Variants in KLF12 observed in about 807,000 individuals in gnomAD.
The protein encoded by KLF12 is Krueppel-like factor 12.
In KLF12, 9 loss-of-function variants were observed where a neutral mutation model predicts 37.8. That is an observed-to-expected ratio of 0.24 (90% CI 0.14 to 0.42). The LOEUF is 0.42. Ranked by LOEUF, KLF12 falls within the 10% of genes least tolerant of loss-of-function variation. The pLI is 1.00. For missense variants in KLF12, 411 were observed against 516.0 expected, an observed-to-expected ratio of 0.80 and a Z score of 1.97; for synonymous variants, 208 against 202.1, an observed-to-expected ratio of 1.03 and a Z score of -0.25.
At position 74,059,386 on chromosome 13, in the gene KLF12, T is replaced by C. The variant is rs143474769; in HGVS notation, c.-31-64333A>G. Among the ~76,000 whole-genome samples, 377 of 152,354 alleles carry C rather than the reference T, an allele frequency of 2.5e-3. 1 individual carries two copies. Among genetic ancestry groups the C allele is most frequent in the Non-Finnish European group, 4.1e-3 (277 of 68,016 alleles). On this transcript the variant is annotated intron_variant, in intron 1 of 7. Coordinates refer to ENST00000377669, the MANE Select transcript of KLF12 (RefSeq NM_007249.5). ...CTGCTTTCCACAGGGGTTGAACTAG[T>C]TGTTCCCACGAGCAGTATACATGCA...
At chr13:73,774,287 CA>C (rs1566358742) in intron 5 of KLF12, among the ~76,000 whole-genome samples, 69 of 149,410 alleles carry the variant, frequency 4.6e-4, no homozygotes, top group African/African-American at 1.6e-3. Flanking sequence ...TATATATACA[CA>C]CACACACACA....
chr13:74,265,509 A>G, the KLF12 span, among the ~76,000 whole-genome samples: 2 of 152,232 alleles, frequency 1.3e-5, no homozygotes, highest in African/African-American at 2.4e-5. Flanking sequence ...GTGTAAATAT[A>G]TTCTGAAGAA....
chr13:73,694,036 C>A lies in KLF12; in HGVS notation c.*1454G>T, dbSNP rs41286096. On this transcript the variant is annotated 3_prime_UTR_variant, in exon 8 of 8. Coordinates refer to ENST00000377669, the MANE Select transcript of KLF12 (RefSeq NM_007249.5). Reference sequence around the variant, plus strand: ...AGGATGAGTGGGTTCAATATCCCTGCAGATGCCAATGCAGGACACCTGGGT... The same window carrying A: ...AGGATGAGTGGGTTCAATATCCCTGAAGATGCCAATGCAGGACACCTGGGT... 1 of 152,588 alleles carries A rather than the reference C, an allele frequency of 6.6e-6. No individual in the cohort carries two copies. The highest frequency in any genetic ancestry group is 2.4e-5 in the African/African-American group (1 of 41,420). The allele number at this position is 152,588 out of a possible 1,614,324, so 9.5% of individuals were successfully genotyped here.
chr13:74,144,307 G>T, the KLF12 span, among the ~76,000 whole-genome samples: 1 of 152,094 alleles, frequency 6.6e-6, no homozygotes, highest in Non-Finnish European at 1.5e-5. Flanking sequence ...TATTTCACTT[G>T]ACAGACCCAA....
At position 73,689,259 on chromosome 13, in the gene KLF12, T is replaced by C. The variant is rs1004770661; in HGVS notation, c.*6231A>G. ...TCCTGGTACATTTCCGTCTCCCTTT[T>C]CTTCTTTCTAACATTGGGAGGAGAA... On this transcript the variant is annotated 3_prime_UTR_variant, in exon 8 of 8. Transcript: ENST00000377669. 1.3e-5 allele frequency: 2 copies of C among 152,256 alleles called. No homozygotes were observed. The highest frequency in any genetic ancestry group is 2.9e-5 in the Non-Finnish European group (2 of 68,030). 9.4% of individuals were successfully genotyped at this position (152,256 alleles called of 1,614,324 possible).
chr13:74,221,148 G>C, the KLF12 span, among the ~76,000 whole-genome samples: 1 of 151,792 alleles, frequency 6.6e-6, no homozygotes, highest in African/African-American at 2.4e-5. Context: ...GGGACTACAA[G>C]CACCGCCGCC....
intron 1 of KLF12, among the ~76,000 whole-genome samples, chr13:74,001,401 A>G (rs1892278005): frequency 6.6e-6 from 1 of 152,268 alleles, no homozygotes; most frequent in Non-Finnish European, 1.5e-5. Context: ...TTACAAATGC[A>G]TAGTTCACAC....
chr13:74,046,938 T>C (rs1893563096), intron 1 of KLF12, among the ~76,000 whole-genome samples: 1 of 152,210 alleles, frequency 6.6e-6, no homozygotes, highest in South Asian at 2.1e-4. Context: ...GATTCTCCTA[T>C]AAATTATTGA....
chr13:74,289,956 A>T, the KLF12 span, among the ~76,000 whole-genome samples: 1 of 152,150 alleles, frequency 6.6e-6, no homozygotes, highest in Non-Finnish European at 1.5e-5. Context: ...TGTATCCTTG[A>T]TGTAGCTGGA....
chr13:73,926,626 C>T (rs145659679), intron 3 of KLF12, among the ~76,000 whole-genome samples: 1,660 of 96,708 alleles, frequency 0.017, 31 homozygotes, highest in African/African-American at 0.044. Flanking sequence ...TTTTCTCTCT[C>T]TCTCTTTTTT....
At chr13:74,188,498 G>C in the KLF12 span, among the ~76,000 whole-genome samples, 7 of 152,150 alleles carry the variant, frequency 4.6e-5, no homozygotes, top group East Asian at 1.3e-3. Context: ...ATATGTTATT[G>C]TTTCTTTTAA....
intron 3 of KLF12, among the ~76,000 whole-genome samples, chr13:73,940,695 A>ATACGTGCCAGAAACTATAAGAGG (rs1332838194): frequency 6.6e-6 from 1 of 152,236 alleles, no homozygotes; most frequent in East Asian, 1.9e-4. Flanking sequence ...ACTATAAGAG[A>ATACGTGCCAGAAACTATAAGAGG]TACAAACCAG....
chr13:74,289,393 T>C, the KLF12 span, among the ~76,000 whole-genome samples: 2 of 152,218 alleles, frequency 1.3e-5, no homozygotes, highest in Non-Finnish European at 2.9e-5. Context: ...TTAACACCTC[T>C]TTAAGGACAT....
At chr13:73,752,860 G>A (rs1878877392) in intron 6 of KLF12, among the ~76,000 whole-genome samples, 1 of 151,542 alleles carries the variant, frequency 6.6e-6, no homozygotes, top group Admixed American at 6.6e-5. Context: ...GGGATTACAG[G>A]TGCCCGCCAC....
At chr13:74,229,672 A>C in the KLF12 span, among the ~76,000 whole-genome samples, 7 of 152,202 alleles carry the variant, frequency 4.6e-5, no homozygotes, top group Non-Finnish European at 8.8e-5. Flanking sequence ...TTAGAAGGTA[A>C]CTGTTCCTTT....
At chr13:73,895,822 CTTTTT>C (rs201728570) in intron 3 of KLF12, among the ~76,000 whole-genome samples, 7 of 144,086 alleles carry the variant, frequency 4.9e-5, no homozygotes, top group African/African-American at 1.3e-4. Flanking sequence ...CCATGGAATT[CTTTTT>C]TTTTTTTTTT....
intron 1 of KLF12, among the ~76,000 whole-genome samples, chr13:74,067,780 A>G (rs1874002810): frequency 6.6e-6 from 1 of 152,234 alleles, no homozygotes; most frequent in Non-Finnish European, 1.5e-5. Context: ...GCACACTTCC[A>G]GGAGACAGGT....
intron 1 of KLF12, among the ~76,000 whole-genome samples, chr13:73,998,801 A>T (rs1178579683): frequency 6.6e-6 from 1 of 152,238 alleles, no homozygotes; most frequent in Non-Finnish European, 1.5e-5. Context: ...TATCTTGGGA[A>T]CTAAAAATAT....
At chr13:74,251,750 C>T in the KLF12 span, among the ~76,000 whole-genome samples, 1 of 152,144 alleles carries the variant, frequency 6.6e-6, no homozygotes. Flanking sequence ...GCATTATAAA[C>T]GAACTTTCAA....
Sources: allele counts gnomAD v4.1 joint callset (sites outside exome capture counted in the v4.1 genomes callset), GRCh38; gene constraint gnomAD v4.1.1; transcripts MANE v1.5; gene names NCBI Gene and HGNC (gene_info 2026-07-23, HGNC 2026-07-21).